DROSHA: variants seen among roughly 807,000 people sequenced by gnomAD.
DROSHA encodes drosha ribonuclease III.
DROSHA carries 56 observed loss-of-function variants against 181.9 expected under a neutral mutation model. That is an observed-to-expected ratio of 0.31 (90% CI 0.25 to 0.38). DROSHA has a LOEUF of 0.38. Among genes scored for constraint, DROSHA ranks in the 10% least tolerant of loss-of-function variants. The pLI is 1.00. For synonymous variants in DROSHA, 524 were observed against 591.2 expected (o/e 0.89, Z 1.65); for missense variants, 1,218 against 1,743.5 (o/e 0.70, Z 5.37).
intron 29 of DROSHA, 74 bp downstream of exon 29, chr5:31,422,713 G>T: frequency 1.9e-6 from 3 of 1,550,572 alleles, no homozygotes; most frequent in Non-Finnish European, 1.8e-6. Flanking sequence ...TTCCTTCGAA[G>T]GGCATGCTCC....
chr5:31,526,077 A>C lies in DROSHA; in HGVS notation c.854+2T>G. The C allele has an allele frequency of 6.3e-7, 1 of 1,578,926 alleles. No individual in the cohort carries two copies. The highest frequency in any genetic ancestry group is 8.6e-7 in the Non-Finnish European group (1 of 1,156,930). On this transcript the variant is annotated splice_donor_variant, in intron 5 of 35. Coordinates refer to ENST00000344624, the MANE Select transcript of DROSHA (RefSeq NM_001382508.1). LOFTEE classifies it high-confidence loss of function. ...TTAAAGAACTACACACAAGCGGTTT[A>C]CCTGCTCCGTTCGTAGCTGCGGTGG... is the stretch of plus-strand genomic sequence containing the variant.
At chr5:31,464,142 TA>T in intron 20 of DROSHA, 93 bp downstream of exon 20, 1 of 1,033,116 alleles carries the variant, frequency 9.7e-7, no homozygotes, top group Non-Finnish European at 1.4e-6. Flanking sequence ...TAGTATTTTC[TA>T]AAGAACATTC....
At chr5:31,423,979 A>G (rs1231842915) in intron 28 of DROSHA, among the ~76,000 whole-genome samples, 2 of 152,214 alleles carry the variant, frequency 1.3e-5, no homozygotes, top group Non-Finnish European at 2.9e-5. Context: ...GAAGCTTTCA[A>G]TTTCTAAGAT....
Position 31,401,311 on chromosome 5 carries a change from T to A in DROSHA, c.*121A>T. The A allele has an allele frequency of 7.6e-7, 1 of 1,315,768 alleles. No homozygotes were observed. 81.5% of individuals were successfully genotyped at this position (1,315,768 alleles called of 1,614,324 possible). A position where few individuals can be genotyped will look rare whatever the true frequency, so the allele number is the denominator to read the frequency against. ...ATTAAAACAACAATAGCGATTTGAC[T>A]CTGTATTTTATTTCAATGAGCACAC... On this transcript the variant is annotated 3_prime_UTR_variant, in exon 36 of 36. Coordinates refer to ENST00000344624, the MANE Select transcript of DROSHA (RefSeq NM_001382508.1).
At position 31,451,651 on chromosome 5, in the gene DROSHA, A is replaced by T. The variant is rs1250190549; in HGVS notation, c.2575-11T>A. On this transcript the variant is annotated splice_polypyrimidine_tract_variant and intron_variant, in intron 20 of 35. Transcript: ENST00000344624. ...TAGCATCATTGCATGCTAGGAAAAAAAAAATTCAATATGTTTAACTTTATA... is the reference window on the plus strand; with the variant it reads ...TAGCATCATTGCATGCTAGGAAAAATAAAATTCAATATGTTTAACTTTATA... 6.3e-7 allele frequency: 1 copy of T among 1,588,810 alleles called. No homozygotes were observed. The highest frequency in any genetic ancestry group is 8.6e-7 in the Non-Finnish European group (1 of 1,164,280).
intron 9 of DROSHA, among the ~76,000 whole-genome samples, chr5:31,509,791 C>CA (rs895772286): frequency 2.6e-5 from 4 of 152,056 alleles, no homozygotes; most frequent in Non-Finnish European, 5.9e-5. Flanking sequence ...CACAAAAAGA[C>CA]AAATACTACA....
chr5:31,453,629 T>A (rs1747293576), intron 20 of DROSHA, among the ~76,000 whole-genome samples: 1 of 152,202 alleles, frequency 6.6e-6, no homozygotes, highest in Admixed American at 6.5e-5. Context: ...TTAGCTAACC[T>A]ACACTTTACT....
chr5:31,473,740 A>G (rs1412337744), intron 16 of DROSHA, among the ~76,000 whole-genome samples: 2 of 152,234 alleles, frequency 1.3e-5, no homozygotes, highest in East Asian at 3.8e-4. Flanking sequence ...TGAAAGGAGC[A>G]AGGGAGGCTA....
intron 19 of DROSHA, among the ~76,000 whole-genome samples, chr5:31,464,728 G>A (rs1338384817): frequency 1.3e-5 from 2 of 151,680 alleles, no homozygotes; most frequent in Non-Finnish European, 2.9e-5. Context: ...AAATTAACCT[G>A]CGACCCACAT....
At chr5:31,480,203 T>TATATATATATATATATATAC (rs1345858192) in intron 16 of DROSHA, among the ~76,000 whole-genome samples, 53 of 140,182 alleles carry the variant, frequency 3.8e-4, no homozygotes, top group Non-Finnish European at 7.6e-4. Flanking sequence ...TATATATATA[T>TATATATATATATATATATAC]ACTGAAAATA....
chr5:31,504,252 T>C (rs2150050039), intron 11 of DROSHA, among the ~76,000 whole-genome samples: 1 of 152,050 alleles, frequency 6.6e-6, no homozygotes, highest in South Asian at 2.1e-4. Flanking sequence ...CCACTTATGA[T>C]GAAACATAAA....
chr5:31,441,474 T>C (rs910475432), intron 23 of DROSHA, among the ~76,000 whole-genome samples: 1 of 152,148 alleles, frequency 6.6e-6, no homozygotes, highest in African/African-American at 2.4e-5. Context: ...TGCTAGACTT[T>C]AAAGGACTTT....
intron 19 of DROSHA, 80 bp from the exon 20 acceptor site, chr5:31,464,423 G>T: frequency 7.7e-7 from 1 of 1,293,844 alleles, no homozygotes; most frequent in Non-Finnish European, 1.1e-6. Context: ...TAGAAAATAA[G>T]TTGGATTCAT....
chr5:31,528,640 T>C (rs1174139844), intron 4 of DROSHA, among the ~76,000 whole-genome samples: 2 of 152,224 alleles, frequency 1.3e-5, no homozygotes, highest in African/African-American at 4.8e-5. Flanking sequence ...TACATGGCTA[T>C]TATAATAATA....
chr5:31,424,366 G>C, intron 28 of DROSHA, 61 bp downstream of exon 28: 1 of 1,553,086 alleles, frequency 6.4e-7, no homozygotes, highest in Non-Finnish European at 8.7e-7. Flanking sequence ...AAAAGGCAAA[G>C]GAAAGTAACA....
intron 27 of DROSHA, among the ~76,000 whole-genome samples, chr5:31,428,928 A>G (rs994675427): frequency 1.3e-5 from 2 of 152,224 alleles, no homozygotes; most frequent in African/African-American, 4.8e-5. Flanking sequence ...GTAACAACAG[A>G]AACTATTTTA....
chr5:31,503,887 C>T (rs746586891), intron 11 of DROSHA, among the ~76,000 whole-genome samples: 2 of 151,984 alleles, frequency 1.3e-5, no homozygotes, highest in Non-Finnish European at 2.9e-5. Context: ...ATTGTTGAGC[C>T]CTCAAACAAG....
chr5:31,416,454 CT>C (rs777406281), intron 30 of DROSHA, among the ~76,000 whole-genome samples: 1 of 152,128 alleles, frequency 6.6e-6, no homozygotes, highest in African/African-American at 2.4e-5. Context: ...CAAAAACATG[CT>C]CTCAAAGAAC....
At chr5:31,508,967 C>T (rs566405764) in intron 9 of DROSHA, among the ~76,000 whole-genome samples, 192 bp from the exon 10 acceptor site, 56 of 152,112 alleles carry the variant, frequency 3.7e-4, no homozygotes, top group Non-Finnish European at 7.5e-4. Flanking sequence ...GGATTACAGG[C>T]GCCTGCCACC....
Sources: allele counts gnomAD v4.1 joint callset (sites outside exome capture counted in the v4.1 genomes callset), GRCh38; gene constraint gnomAD v4.1.1; transcripts MANE v1.5; gene names NCBI Gene and HGNC (gene_info 2026-07-23, HGNC 2026-07-21).